Variants in CSMD1 observed in about 807,000 individuals in gnomAD.
CSMD1 encodes CUB and Sushi multiple domains 1.
Under a neutral mutation model 417.5 loss-of-function variants are expected in CSMD1, and 213 were observed. The ratio of observed to expected loss-of-function variants is 0.51; its 90% confidence interval spans 0.46 to 0.57. The LOEUF (loss-of-function observed/expected upper bound fraction) is 0.57, where lower values mean the gene tolerates loss of function less well. CSMD1 is among the 20% of genes least tolerant of loss of function. The pLI, the probability that CSMD1 is intolerant of heterozygous loss-of-function variation, is 0.00. For synonymous variants in CSMD1, 2,862 were observed against 1,736.8 expected (o/e 1.65, Z -16.11); for missense variants, 6,923 against 4,529.7 (o/e 1.53, Z -15.17).
intron 3 of CSMD1, among the ~76,000 whole-genome samples, chr8:4,176,441 C>G (rs904328240): frequency 2.0e-5 from 3 of 152,038 alleles, no homozygotes; most frequent in Non-Finnish European, 4.4e-5. Context: ...GGAAGCTTTC[C>G]TTTCCTTTTT....
intron 3 of CSMD1, among the ~76,000 whole-genome samples, chr8:4,107,643 C>T (rs1311881154): frequency 6.6e-6 from 1 of 152,124 alleles, no homozygotes; most frequent in Admixed American, 6.5e-5. Flanking sequence ...TGAGCACCAC[C>T]GAAAGCTCAT....
intron 2 of CSMD1, among the ~76,000 whole-genome samples, chr8:4,462,251 T>C (rs77597007): frequency 0.068 from 10,354 of 152,154 alleles, 542 homozygotes; most frequent in Non-Finnish European, 0.09. Context: ...CCCTTTACCA[T>C]AGCATCTAAA....
chr8:3,391,729 C>T (rs558637593), intron 17 of CSMD1, among the ~76,000 whole-genome samples: 2 of 152,286 alleles, frequency 1.3e-5, no homozygotes, highest in East Asian at 3.9e-4. Context: ...TGCCTTGTAG[C>T]ACCGCTGCAA....
At chr8:3,000,167 T>C (rs1316108307) in intron 52 of CSMD1, 36 bp from the exon 53 acceptor site, 3 of 1,471,008 alleles carry the variant, frequency 2.0e-6, no homozygotes, top group African/African-American at 1.4e-5. Context: ...ATTTAGAGTG[T>C]CTGTCATTTA....
rs145601309 is a variant in CSMD1 at position 3,750,795 on chromosome 8, G to T, written c.931+3135C>A. Among the ~76,000 whole-genome samples, 175 of 152,266 alleles carry T rather than the reference G, an allele frequency of 1.1e-3. 1 individual carries two copies. Among genetic ancestry groups the T allele is most frequent in the African/African-American group, 3.7e-3 (154 of 41,552 alleles). The stretch of plus-strand genomic sequence containing the variant: ...CTGAGAAGGGCCCATCTCATCCTAA[G>T]CTGTTGCTCTGTCTCCAGCTGTCCT... On this transcript the variant is annotated intron_variant, in intron 6 of 69. Coordinates refer to ENST00000635120, the MANE Select transcript of CSMD1 (RefSeq NM_033225.6).
chr8:3,359,493 T>C (rs977662413), intron 20 of CSMD1, among the ~76,000 whole-genome samples, 153 bp from the exon 21 acceptor site: 1 of 151,776 alleles, frequency 6.6e-6, no homozygotes, highest in Non-Finnish European at 1.5e-5. Context: ...GTGCATTTTT[T>C]TTCTTGTACT....
intron 5 of CSMD1, among the ~76,000 whole-genome samples, chr8:3,888,490 G>C (rs1213623430): frequency 1.3e-5 from 2 of 152,198 alleles, no homozygotes. Flanking sequence ...ATTATCATTA[G>C]CTCAAATGAA....
At position 4,032,858 on chromosome 8, in the gene CSMD1, T is replaced by A. The variant is rs76444272; in HGVS notation, c.416-759A>T. On this transcript the variant is annotated intron_variant, in intron 3 of 69. Coordinates refer to ENST00000635120, the MANE Select transcript of CSMD1 (RefSeq NM_033225.6). ...CTCTCAGCCAGGGTGATTCCAAAGT[T>A]AATCTGAAAAACTAGGTCAGGCCGT... Among the ~76,000 whole-genome samples, 636 of 152,178 alleles carry A rather than the reference T, an allele frequency of 4.2e-3. 4 individuals are homozygous for A. The highest frequency in any genetic ancestry group is 0.015 in the African/African-American group (603 of 41,522).
At chr8:4,964,383 G>C (rs748246410) in intron 1 of CSMD1, among the ~76,000 whole-genome samples, 9 of 151,568 alleles carry the variant, frequency 5.9e-5, no homozygotes, top group South Asian at 4.2e-4. Context: ...GCCGGGTCTA[G>C]TGGCATGCAC....
chr8:3,096,786 T>C (rs189850202), intron 47 of CSMD1, 63 bp downstream of exon 47: 3 of 1,036,268 alleles, frequency 2.9e-6, no homozygotes, highest in East Asian at 2.7e-5. Context: ...TACTAAAACA[T>C]TGTAATAGTG....
intron 2 of CSMD1, among the ~76,000 whole-genome samples, chr8:4,525,192 C>A (rs1796451982): frequency 6.6e-6 from 1 of 152,120 alleles, no homozygotes; most frequent in Non-Finnish European, 1.5e-5. Context: ...TATGCCACAA[C>A]CCCCACCTAC....
chr8:4,164,809 G>A (rs370628641), intron 3 of CSMD1, among the ~76,000 whole-genome samples: 86 of 151,852 alleles, frequency 5.7e-4, no homozygotes, highest in African/African-American at 1.9e-3. Context: ...TCCAGAGGTG[G>A]AGCTTGCAGT....
intron 22 of CSMD1, among the ~76,000 whole-genome samples, chr8:3,345,704 C>T (rs1202104370): frequency 6.6e-6 from 1 of 152,148 alleles, no homozygotes; most frequent in Non-Finnish European, 1.5e-5. Flanking sequence ...TACAAACCCT[C>T]CTCAGAGTTC....
At chr8:4,312,394 C>CGCGT (rs1563435122) in intron 3 of CSMD1, among the ~76,000 whole-genome samples, 1 of 39,502 alleles carries the variant, frequency 2.5e-5, no homozygotes, top group African/African-American at 4.8e-5. Flanking sequence ...TATATATATA[C>CGCGT]ATACATATAT....
rs562425182 is a variant in CSMD1 at position 4,320,754 on chromosome 8, T to A, written c.415+99199A>T. ...TGCCACATTTTATTTACCCAGTCTATCATTGACGGGCATTTGGATTGGTGA... is the reference window on the plus strand; with the variant it reads ...TGCCACATTTTATTTACCCAGTCTAACATTGACGGGCATTTGGATTGGTGA... On this transcript the variant is annotated intron_variant, in intron 3 of 69. Coordinates refer to ENST00000635120, the MANE Select transcript of CSMD1 (RefSeq NM_033225.6). 5.3e-5 allele frequency among the ~76,000 whole-genome samples: 8 copies of A among 152,290 alleles called. No homozygotes were observed. In the East Asian group the frequency reaches 1.4e-3, roughly 26 times the overall value.
At chr8:4,854,578 G>A (rs1379052714) in intron 1 of CSMD1, among the ~76,000 whole-genome samples, 3 of 152,198 alleles carry the variant, frequency 2.0e-5, no homozygotes, top group Non-Finnish European at 4.4e-5. Context: ...AGCTGAAGCA[G>A]GGCGAGGCAT....
At chr8:3,548,828 C>A (rs1397079583) in intron 10 of CSMD1, among the ~76,000 whole-genome samples, 1 of 152,058 alleles carries the variant, frequency 6.6e-6, no homozygotes, top group East Asian at 1.9e-4. Flanking sequence ...GCAAAGCCAC[C>A]CTTGCTAGGA....
chr8:4,924,483 G>C (rs578202929), intron 1 of CSMD1, among the ~76,000 whole-genome samples: 1 of 152,068 alleles, frequency 6.6e-6, no homozygotes, highest in Non-Finnish European at 1.5e-5. Flanking sequence ...AGTACTTTGA[G>C]AGGCTGGGGC....
At chr8:4,422,951 G>A (rs1338591228) in intron 2 of CSMD1, among the ~76,000 whole-genome samples, 1 of 151,672 alleles carries the variant, frequency 6.6e-6, no homozygotes, top group African/African-American at 2.4e-5. Context: ...AATCTATGTA[G>A]AAAAAAACAT....
Sources: gnomAD v4.1 joint callset for allele counts (sites outside exome capture counted in the v4.1 genomes callset) on GRCh38, gnomAD v4.1.1 for gene constraint, MANE v1.5 for transcripts, NCBI Gene and HGNC (gene_info 2026-07-23, HGNC 2026-07-21) for gene names.